TENM4: variants seen among roughly 807,000 people sequenced by gnomAD.
TENM4 encodes the protein teneurin-4.
TENM4 carries 82 observed loss-of-function variants against 243.3 expected under a neutral mutation model. The observed-to-expected ratio is 0.34, with a 90% CI of 0.28 to 0.40. The LOEUF (loss-of-function observed/expected upper bound fraction) is 0.40, where lower values mean the gene tolerates loss of function less well. TENM4 is among the 10% of genes least tolerant of loss of function. TENM4 has a pLI of 1.00. For synonymous variants in TENM4, 1,412 were observed against 1,456.3 expected, an observed-to-expected ratio of 0.97 and a Z score of 0.69; for missense variants, 3,138 against 3,673.3, an observed-to-expected ratio of 0.85 and a Z score of 3.77.
chr11:78,804,152 G>T (rs73498545), intron 15 of TENM4, among the ~76,000 whole-genome samples: 3,380 of 152,292 alleles, frequency 0.022, 117 homozygotes, highest in African/African-American at 0.076. Flanking sequence ...CGAGGAAAAT[G>T]ATTTTGAGTA....
At chr11:79,249,503 G>A (rs1406309081) in intron 2 of TENM4, among the ~76,000 whole-genome samples, 1 of 152,144 alleles carries the variant, frequency 6.6e-6, no homozygotes, top group Non-Finnish European at 1.5e-5. Flanking sequence ...GGACAGTGCT[G>A]GGTTCTATTT....
At chr11:79,225,769 C>T (rs940776191) in intron 2 of TENM4, among the ~76,000 whole-genome samples, 4 of 152,290 alleles carry the variant, frequency 2.6e-5, no homozygotes, top group African/African-American at 7.2e-5. Context: ...AGGCGTGAGC[C>T]ACCGTGCTCA....
chr11:79,219,062 C>T (rs551809860), intron 2 of TENM4, among the ~76,000 whole-genome samples: 1 of 152,246 alleles, frequency 6.6e-6, no homozygotes, highest in African/African-American at 2.4e-5. Flanking sequence ...GCAGACAGAA[C>T]CTAATGTGTG....
Position 78,657,992 on chromosome 11 carries a change from AAC to A in TENM4, c.*64_*65del, listed in dbSNP as rs1246715241. On this transcript the variant is annotated 3_prime_UTR_variant, in exon 34 of 34. Transcript: ENST00000278550. ...TAAAAAATCATTTTTTTAAAAGTAC[AAC>A]ACAGTCAGGTATGCGGCCACAAAAG... The A allele has an allele frequency of 1.2e-6, 2 of 1,610,652 alleles. No individual in the cohort carries two copies. The highest frequency in any genetic ancestry group is 2.7e-5 in the African/African-American group (2 of 74,890).
chr11:79,077,590 C>G (rs760354770), intron 4 of TENM4, among the ~76,000 whole-genome samples: 3 of 152,116 alleles, frequency 2.0e-5, no homozygotes, highest in Admixed American at 6.5e-5. Flanking sequence ...CTCTACTTAA[C>G]TAGAATTATG....
intron 15 of TENM4, among the ~76,000 whole-genome samples, chr11:78,799,547 C>T (rs1481031538): frequency 6.6e-6 from 1 of 152,206 alleles, no homozygotes; most frequent in Admixed American, 6.5e-5. Flanking sequence ...ATGCAGCCAC[C>T]ATATACATGT....
intron 6 of TENM4, among the ~76,000 whole-genome samples, chr11:78,961,889 G>C (rs1228288663): frequency 1.5e-4 from 23 of 151,586 alleles, no homozygotes; most frequent in Admixed American, 1.5e-3. Context: ...CATCTTTGTC[G>C]GTACATCTGC....
Position 79,421,132 on chromosome 11 carries a change from C to T in TENM4, c.-321+19377G>A, listed in dbSNP as rs146030820. On this transcript the variant is annotated intron_variant, in intron 1 of 33. Transcript: ENST00000278550. The stretch of plus-strand genomic sequence containing the variant: ...TTGCAAAATCACAAGTAGAGGCATT[C>T]GAAAGCACACTGGTCAATTTTTGCA... 1.4e-4 allele frequency among the ~76,000 whole-genome samples: 22 copies of T among 152,212 alleles called. No homozygotes were observed. In the East Asian group the frequency reaches 2.5e-3, roughly 17 times the overall value.
chr11:79,319,456 A>C (rs1339180372), intron 1 of TENM4, among the ~76,000 whole-genome samples: 2 of 152,088 alleles, frequency 1.3e-5, no homozygotes, highest in African/African-American at 4.8e-5. Flanking sequence ...TTTTTGTTTA[A>C]TAATAAACAG....
intron 6 of TENM4, among the ~76,000 whole-genome samples, chr11:78,951,030 G>T (rs958739019): frequency 1.3e-5 from 2 of 152,222 alleles, no homozygotes; most frequent in African/African-American, 2.4e-5. Context: ...AGGTTATGTT[G>T]CTTGTCTCCT....
chr11:78,719,540 A>G (rs975080367), intron 25 of TENM4, among the ~76,000 whole-genome samples: 3 of 152,128 alleles, frequency 2.0e-5, no homozygotes, highest in East Asian at 1.9e-4. Flanking sequence ...TTTCATCCCA[A>G]CTTAGCACCA....
At chr11:79,145,641 C>T (rs749261701) in intron 4 of TENM4, among the ~76,000 whole-genome samples, 2 of 152,048 alleles carry the variant, frequency 1.3e-5, no homozygotes, top group Non-Finnish European at 2.9e-5. Context: ...GTACATATCT[C>T]AGGGGTATAT....
chr11:78,830,279 G>A (rs1223558058), intron 12 of TENM4, among the ~76,000 whole-genome samples: 2 of 152,264 alleles, frequency 1.3e-5, no homozygotes, highest in East Asian at 3.9e-4. Flanking sequence ...TGGACACCTC[G>A]GTGGTGCCCA....
intron 4 of TENM4, among the ~76,000 whole-genome samples, chr11:79,127,473 C>T (rs1288506912): frequency 1.4e-5 from 2 of 143,676 alleles, no homozygotes; most frequent in African/African-American, 4.9e-5. Context: ...TCACACATCT[C>T]CTGGTACCTG....
chr11:79,201,625 C>T (rs943811928), intron 3 of TENM4, among the ~76,000 whole-genome samples: 1 of 152,088 alleles, frequency 6.6e-6, no homozygotes, highest in Non-Finnish European at 1.5e-5. Flanking sequence ...AACCAGAATT[C>T]CTGCCCTTAG....
At chr11:79,202,956 C>G (rs1378325369) in intron 3 of TENM4, among the ~76,000 whole-genome samples, 1 of 152,176 alleles carries the variant, frequency 6.6e-6, no homozygotes, top group Non-Finnish European at 1.5e-5. Flanking sequence ...TTTGTCCTCA[C>G]AATTGTCCTA....
At chr11:79,079,831 CAAAAAAA>C (rs34296723) in intron 4 of TENM4, among the ~76,000 whole-genome samples, 5 of 114,634 alleles carry the variant, frequency 4.4e-5, no homozygotes, top group East Asian at 2.6e-4. Flanking sequence ...CACTTTGTTT[CAAAAAAA>C]AAAAAAAAAA....
At chr11:79,359,732 C>T (rs1857559412) in intron 1 of TENM4, among the ~76,000 whole-genome samples, 1 of 152,026 alleles carries the variant, frequency 6.6e-6, no homozygotes, top group African/African-American at 2.4e-5. Flanking sequence ...GCAGATCAGA[C>T]TTTTAAAAAA....
At chr11:79,014,931 A>G (rs923495199) in intron 6 of TENM4, among the ~76,000 whole-genome samples, 2 of 152,168 alleles carry the variant, frequency 1.3e-5, no homozygotes, top group Non-Finnish European at 2.9e-5. Flanking sequence ...CACTAACTTC[A>G]TTGTTTCACT....
Sources: allele counts gnomAD v4.1 joint callset (sites outside exome capture counted in the v4.1 genomes callset), GRCh38; gene constraint gnomAD v4.1.1; transcripts MANE v1.5; gene names NCBI Gene and HGNC (gene_info 2026-07-23, HGNC 2026-07-21).